The following APBB2 variants were observed in gnomAD, a reference collection of about 807,000 sequenced individuals.
APBB2 encodes amyloid beta precursor protein binding family B member 2, also known as Fe65-like 1.
In APBB2, 38 loss-of-function variants were observed where a neutral mutation model predicts 82.5. That is an observed-to-expected ratio of 0.46 (90% confidence interval 0.36 to 0.60). The LOEUF is 0.60. Ranked by LOEUF, APBB2 falls within the 20% of genes least tolerant of loss-of-function variation. The pLI is 0.00. For synonymous variants in APBB2, 341 were observed against 368.2 expected (o/e 0.93, Z 0.85); for missense variants, 772 against 972.3 (o/e 0.79, Z 2.74).
intron 4 of APBB2, among the ~76,000 whole-genome samples, chr4:41,062,318 G>A (rs775775988): frequency 3.4e-4 from 51 of 150,578 alleles, no homozygotes; most frequent in Non-Finnish European, 5.9e-4. Flanking sequence ...CATTACAGGC[G>A]CCCTCAAACA....
chr4:41,085,387 T>C (rs1281716067), intron 3 of APBB2, among the ~76,000 whole-genome samples: 2 of 152,160 alleles, frequency 1.3e-5, no homozygotes. Flanking sequence ...ACATGTTGAA[T>C]GGAACATCAC....
intron 4 of APBB2, among the ~76,000 whole-genome samples, chr4:41,060,475 C>G (rs1057510196): frequency 5.3e-5 from 8 of 152,122 alleles, no homozygotes; most frequent in African/African-American, 1.9e-4. Context: ...GGCACAGGCT[C>G]TGAGGATGGT....
intron 12 of APBB2, among the ~76,000 whole-genome samples, chr4:40,845,009 C>T (rs1757062914): frequency 6.6e-6 from 1 of 152,226 alleles, no homozygotes; most frequent in Admixed American, 6.5e-5. Flanking sequence ...ATCAGATCCA[C>T]TGCTAGTGAT....
At chr4:40,939,592 T>C (rs904731297) in intron 7 of APBB2, among the ~76,000 whole-genome samples, 4 of 152,196 alleles carry the variant, frequency 2.6e-5, no homozygotes, top group Admixed American at 1.3e-4. Context: ...TATCAATTTA[T>C]ATGTGTACAG....
In APBB2 at chr4:40,864,335, G is replaced by A. The variant is rs547033549; in HGVS notation, c.1529+26029C>T. Among the ~76,000 whole-genome samples, 5 of 152,162 alleles carry A rather than the reference G, an allele frequency of 3.3e-5. No homozygotes were observed. In the South Asian group the frequency reaches 1.0e-3, roughly 32 times the overall value. ...TATTGCTCCTGGAGGACTCTATAAC[G>A]TATATTTGTAAAAGAAAGACCCCAC... On this transcript the variant is annotated intron_variant, in intron 12 of 17. Coordinates refer to ENST00000508593, the MANE Select transcript of APBB2 (RefSeq NM_004307.2).
chr4:41,054,699 A>G (rs114070671), intron 4 of APBB2, among the ~76,000 whole-genome samples: 3,191 of 152,272 alleles, frequency 0.021, 105 homozygotes, highest in African/African-American at 0.073. Context: ...TATATAAAGT[A>G]TAAATGGGCA....
At chr4:40,921,619 C>T (rs1021402258) in intron 10 of APBB2, among the ~76,000 whole-genome samples, 3 of 152,264 alleles carry the variant, frequency 2.0e-5, no homozygotes, top group Non-Finnish European at 4.4e-5. Context: ...CCTGATGTAG[C>T]ATTTTGCTTT....
At chr4:40,953,632 G>A (rs1790820448) in intron 6 of APBB2, among the ~76,000 whole-genome samples, 1 of 152,116 alleles carries the variant, frequency 6.6e-6, no homozygotes, top group Non-Finnish European at 1.5e-5. Flanking sequence ...CACTCCAGCT[G>A]GCCCATATAT....
chr4:40,909,113 T>C (rs1013293111), intron 10 of APBB2, among the ~76,000 whole-genome samples: 6 of 152,196 alleles, frequency 3.9e-5, no homozygotes, highest in African/African-American at 1.2e-4. Flanking sequence ...CTCTTGCCCT[T>C]ACACAGAAGG....
Position 40,837,599 on chromosome 4 carries a change from ATCTG to A in APBB2, c.1530-7026_1530-7023del, listed in dbSNP as rs1754406066. On this transcript the variant is annotated intron_variant, in intron 12 of 17. Coordinates refer to ENST00000508593, the MANE Select transcript of APBB2 (RefSeq NM_004307.2). ...CTACCACCTGTGATCATCAGACACG[ATCTG>A]TCTGACACTTGGCAGCAAGACCCGT... is the stretch of plus-strand genomic sequence containing the variant. Among the ~76,000 whole-genome samples the A allele has an allele frequency of 3.9e-5, 6 of 152,188 alleles. No individual in the cohort carries two copies. In the South Asian group the frequency reaches 1.0e-3, roughly 26 times the overall value.
At chr4:40,968,839 A>G (rs1039147502) in intron 6 of APBB2, among the ~76,000 whole-genome samples, 1 of 152,158 alleles carries the variant, frequency 6.6e-6, no homozygotes, top group African/African-American at 2.4e-5. Context: ...CCCAAACCTC[A>G]TCTTGAATTG....
chr4:40,833,196 T>C (rs551903887), intron 12 of APBB2, among the ~76,000 whole-genome samples: 4 of 152,368 alleles, frequency 2.6e-5, no homozygotes, highest in East Asian at 3.9e-4. Flanking sequence ...CCAACTTCCA[T>C]GTGCAGCCAC....
chr4:40,995,119 C>A (rs1803280566), intron 6 of APBB2, among the ~76,000 whole-genome samples: 1 of 152,128 alleles, frequency 6.6e-6, no homozygotes, highest in Non-Finnish European at 1.5e-5. Context: ...ATTCATCCAA[C>A]ACCCCTTTGG....
At chr4:41,197,905 G>T in intron 1 of APBB2, among the ~76,000 whole-genome samples, 2 of 152,142 alleles carry the variant, frequency 1.3e-5, no homozygotes, top group Non-Finnish European at 2.9e-5. Flanking sequence ...AAATGCAAAA[G>T]AATGAATTTA....
chr4:41,166,509 T>C (rs62409989), intron 1 of APBB2, among the ~76,000 whole-genome samples: 1 of 147,158 alleles, frequency 6.8e-6, no homozygotes, highest in Non-Finnish European at 1.5e-5. Flanking sequence ...GTCCAGGAGG[T>C]GGAGGCTGCA....
At chr4:40,983,540 G>A (rs1404248086) in intron 6 of APBB2, among the ~76,000 whole-genome samples, 1 of 151,696 alleles carries the variant, frequency 6.6e-6, no homozygotes, top group Admixed American at 6.6e-5. Context: ...CAATGTCACA[G>A]GGAGTCCAAG....
chr4:40,964,398 G>A (rs962616273), intron 6 of APBB2, among the ~76,000 whole-genome samples: 1 of 149,662 alleles, frequency 6.7e-6, no homozygotes, highest in Non-Finnish European at 1.5e-5. Context: ...GTTTTTCACT[G>A]AGCAAAACCA....
intron 6 of APBB2, among the ~76,000 whole-genome samples, chr4:40,992,110 C>A (rs1802275361): frequency 6.6e-6 from 1 of 152,120 alleles, no homozygotes; most frequent in African/African-American, 2.4e-5. Flanking sequence ...CTCAGAACAA[C>A]TTTTTGAAAG....
At chr4:40,942,536 T>G (rs539678508) in intron 7 of APBB2, among the ~76,000 whole-genome samples, 1 of 152,274 alleles carries the variant, frequency 6.6e-6, no homozygotes, top group African/African-American at 2.4e-5. Context: ...CAGCTGACTT[T>G]TCTGCCTCAG....
Sources: gnomAD v4.1 joint callset for allele counts (sites outside exome capture counted in the v4.1 genomes callset) on GRCh38, gnomAD v4.1.1 for gene constraint, MANE v1.5 for transcripts, NCBI Gene and HGNC (gene_info 2026-07-23, HGNC 2026-07-21) for gene names.